The following KIR2DL3 variants were observed in gnomAD, a reference collection of about 807,000 sequenced individuals.
KIR2DL3 encodes the protein killer cell immunoglobulin like receptor, two Ig domains and long cytoplasmic tail 3.
In KIR2DL3, 39 loss-of-function variants were observed where a neutral mutation model predicts 33.8. The ratio of observed to expected loss-of-function variants is 1.15; its 90% confidence interval spans 0.89 to 1.51. KIR2DL3 has a LOEUF of 1.51. Ranked by LOEUF, KIR2DL3 falls within the 40% of genes most tolerant of loss-of-function variation. The pLI is 0.00. For missense variants in KIR2DL3, 462 were observed against 426.2 expected (o/e 1.08, Z -0.74); for synonymous variants, 174 against 160.2 (o/e 1.09, Z -0.65).
At chr19:54,750,635 ACT>A (rs1407447905) in intron 5 of KIR2DL3, among the ~76,000 whole-genome samples, 2 of 136,512 alleles carry the variant, frequency 1.5e-5, no homozygotes, top group Admixed American at 1.5e-4. Context: ...CCCAGAGAAG[ACT>A]CTAAATACCT....
intron 5 of KIR2DL3, among the ~76,000 whole-genome samples, chr19:54,749,371 G>T (rs1475650112): frequency 2.9e-5 from 4 of 137,228 alleles, no homozygotes; most frequent in Admixed American, 7.5e-5. Context: ...CCACCCCACT[G>T]GTGAAATGTG....
At chr19:54,744,921 C>CATATATATATGTGTATATATATATAT (rs2072105959) in intron 4 of KIR2DL3, among the ~76,000 whole-genome samples, 48 of 25,186 alleles carry the variant, frequency 1.9e-3, no homozygotes, top group Middle Eastern at 0.026. Context: ...CATATATAAA[C>CATATATATATGTGTATATATATATAT]ATATATATAT....
At chr19:54,747,662 T>C (rs1156557239) in intron 5 of KIR2DL3, among the ~76,000 whole-genome samples, 1 of 152,230 alleles carries the variant, frequency 6.6e-6, no homozygotes, top group Non-Finnish European at 1.5e-5. Flanking sequence ...ATGTTTGTTC[T>C]GCCTGCATTC....
chr19:54,742,319 G>C, intron 3 of KIR2DL3, 40 bp downstream of exon 3: 1 of 1,610,054 alleles, frequency 6.2e-7, no homozygotes. Flanking sequence ...TTGGGATGCA[G>C]AGTGAATGAT....
At chr19:54,745,988 T>A (rs1276879195) in intron 4 of KIR2DL3, among the ~76,000 whole-genome samples, 1 of 132,398 alleles carries the variant, frequency 7.6e-6, no homozygotes, top group Non-Finnish European at 1.7e-5. Context: ...AAATTTTGTA[T>A]TTTTAGTAGA....
At chr19:54,740,262 T>A (rs1379989043) in intron 2 of KIR2DL3, among the ~76,000 whole-genome samples, 2 of 151,872 alleles carry the variant, frequency 1.3e-5, no homozygotes, top group East Asian at 3.9e-4. Context: ...CGCCTCCTTC[T>A]CCCCAAGGTG....
intron 1 of KIR2DL3, 101 bp from the exon 2 acceptor site, chr19:54,739,406 C>A (rs1201496224): frequency 5.6e-6 from 9 of 1,595,796 alleles, no homozygotes; most frequent in Admixed American, 1.7e-5. Context: ...TAACTTCAGC[C>A]CAGGAAGGGC....
intron 4 of KIR2DL3, among the ~76,000 whole-genome samples, chr19:54,744,449 A>T (rs1555904387): frequency 2.0e-5 from 3 of 152,176 alleles, no homozygotes; most frequent in Non-Finnish European, 4.4e-5. Context: ...TGTCATCACC[A>T]GCAACCCCTA....
In KIR2DL3 at chr19:54,744,919, A is replaced by ATATATAT. The variant is rs1568969043; in HGVS notation, c.664+831_664+832insTATATAT. On this transcript the variant is annotated intron_variant, in intron 4 of 7. Transcript: ENST00000342376. ...ATATACACACACACACACATATATA[A>ATATATAT]ACATATATATATATATATATATATA... is the stretch of plus-strand genomic sequence containing the variant. 8.5e-4 allele frequency among the ~76,000 whole-genome samples: 35 copies of ATATATAT among 40,998 alleles called. 1 individual carries two copies. The highest frequency in any genetic ancestry group is 1.4e-3 in the Non-Finnish European group (26 of 18,644). The allele number at this position is 40,998 out of a possible 152,430, so 26.9% of individuals were successfully genotyped here. A position where few individuals can be genotyped will look rare whatever the true frequency, so the allele number is the denominator to read the frequency against.
At position 54,739,494 on chromosome 19, in the gene KIR2DL3, T is replaced by G. The variant is rs757624014; in HGVS notation, c.35-13T>G. 2.5e-6 allele frequency: 4 copies of G among 1,613,562 alleles called. No individual in the cohort carries two copies. The African/African-American group carries it at 5.3e-5, about 22-fold the overall frequency. On this transcript the variant is annotated splice_polypyrimidine_tract_variant and intron_variant, in intron 1 of 7. Coordinates refer to ENST00000342376, the MANE Select transcript of KIR2DL3 (RefSeq NM_015868.3). Reference sequence around the variant, plus strand: ...CCTGCAGATGGATGGTCCATCATGATCTTTCTTTCCAGGGTTCTTCTTGCT... The same window carrying G: ...CCTGCAGATGGATGGTCCATCATGAGCTTTCTTTCCAGGGTTCTTCTTGCT...
At chr19:54,742,712 C>G (rs76204518) in intron 3 of KIR2DL3, among the ~76,000 whole-genome samples, 1 of 150,334 alleles carries the variant, frequency 6.7e-6, no homozygotes, top group Admixed American at 6.7e-5. Flanking sequence ...ACCTACAGGC[C>G]ATGTTTATTC....
intron 2 of KIR2DL3, among the ~76,000 whole-genome samples, chr19:54,740,480 G>A (rs1432734563): frequency 1.3e-5 from 2 of 151,598 alleles, no homozygotes; most frequent in Non-Finnish European, 2.9e-5. Context: ...ACATACAGAT[G>A]TCGGGGTTCA....
intron 4 of KIR2DL3, among the ~76,000 whole-genome samples, chr19:54,745,078 T>A (rs2072236200): frequency 6.6e-6 from 1 of 150,722 alleles, no homozygotes; most frequent in South Asian, 2.1e-4. Flanking sequence ...GAAATGGGAA[T>A]CTTTGTAATG....
chr19:54,738,748 G>A (rs192994413), intron 1 of KIR2DL3, among the ~76,000 whole-genome samples, 169 bp downstream of exon 1: 3 of 151,452 alleles, frequency 2.0e-5, no homozygotes, highest in African/African-American at 7.3e-5. Context: ...GGAGATATGG[G>A]CCTGGAGGTT....
intron 3 of KIR2DL3, among the ~76,000 whole-genome samples, chr19:54,743,514 T>C (rs1487852466): frequency 6.6e-6 from 1 of 152,152 alleles, no homozygotes; most frequent in Non-Finnish European, 1.5e-5. Context: ...ACTTAGAATT[T>C]AAAAAAGTAA....
intron 5 of KIR2DL3, among the ~76,000 whole-genome samples, chr19:54,748,233 C>T (rs1353391631): frequency 1.3e-5 from 2 of 151,918 alleles, no homozygotes; most frequent in Non-Finnish European, 2.9e-5. Flanking sequence ...TCTCTGAATG[C>T]TGCTCTCCCT....
chr19:54,745,389 GT>G (rs1426917740), intron 4 of KIR2DL3, among the ~76,000 whole-genome samples: 2 of 150,536 alleles, frequency 1.3e-5, no homozygotes, highest in African/African-American at 4.9e-5. Flanking sequence ...TTTTGAGACA[GT>G]TTCCCTCTGT....
Position 54,751,153 on chromosome 19 carries a change from C to T in KIR2DL3, c.716-496C>T, listed in dbSNP as rs187772943. Among the ~76,000 whole-genome samples, 16 of 132,748 alleles carry T rather than the reference C, an allele frequency of 1.2e-4. 2 individuals carry two copies. The East Asian group carries it at 3.2e-3, about 26-fold the overall frequency. The allele number at this position is 132,748 out of a possible 152,430, so 87.1% of individuals were successfully genotyped here. On this transcript the variant is annotated intron_variant, in intron 5 of 7. Coordinates refer to ENST00000342376, the MANE Select transcript of KIR2DL3 (RefSeq NM_015868.3). ...TATTTCTCGTGACGGCCTCAGGCTGCTCCCACTCTGGCAGAAGGGAAGGAG... is the reference window on the plus strand; with the variant it reads ...TATTTCTCGTGACGGCCTCAGGCTGTTCCCACTCTGGCAGAAGGGAAGGAG...
intron 1 of KIR2DL3, among the ~76,000 whole-genome samples, chr19:54,739,254 G>A (rs1307367072): frequency 2.0e-5 from 2 of 98,422 alleles, no homozygotes; most frequent in Non-Finnish European, 4.9e-5. Context: ...ATCTGAGCCT[G>A]GATTGGCGAT....
Sources: allele counts gnomAD v4.1 joint callset (sites outside exome capture counted in the v4.1 genomes callset), GRCh38; gene constraint gnomAD v4.1.1; transcripts MANE v1.5; gene names NCBI Gene and HGNC (gene_info 2026-07-23, HGNC 2026-07-21).